Variants in NXPH1 observed in about 807,000 individuals in gnomAD.
NXPH1 encodes neurexophilin-1.
A neutral mutation model predicts 23.7 loss-of-function variants in NXPH1; 5 were observed. That is an observed-to-expected ratio of 0.21 (90% CI 0.11 to 0.44). NXPH1 has a LOEUF of 0.44. Ranked by LOEUF, NXPH1 falls within the 20% of genes least tolerant of loss-of-function variation. NXPH1 has a pLI of 0.99. For synonymous variants in NXPH1, 144 were observed against 122.2 expected (o/e 1.18, Z -1.18); for missense variants, 324 against 321.6 (o/e 1.01, Z -0.06).
At chr7:8,664,299 C>G (rs2115164234) in intron 2 of NXPH1, among the ~76,000 whole-genome samples, 1 of 152,180 alleles carries the variant, frequency 6.6e-6, no homozygotes, top group Admixed American at 6.6e-5. Context: ...GTGCACTCTT[C>G]TTTCCCTCCT....
chr7:8,519,146 T>G (rs1291089644), intron 2 of NXPH1, among the ~76,000 whole-genome samples: 3 of 152,206 alleles, frequency 2.0e-5, no homozygotes, highest in Non-Finnish European at 4.4e-5. Flanking sequence ...TCATTTATTC[T>G]GAATTTGTTA....
At chr7:8,706,807 T>C (rs1427577404) in intron 2 of NXPH1, among the ~76,000 whole-genome samples, 1 of 152,188 alleles carries the variant, frequency 6.6e-6, no homozygotes, top group African/African-American at 2.4e-5. Context: ...GGGTACCCCA[T>C]TGAAGAGGGA....
intron 2 of NXPH1, among the ~76,000 whole-genome samples, chr7:8,661,857 A>G (rs1029216088): frequency 6.6e-6 from 1 of 152,244 alleles, no homozygotes; most frequent in African/African-American, 2.4e-5. Flanking sequence ...TGAATTACCA[A>G]GTATGACTGA....
chr7:8,519,366 A>G (rs10266489), intron 2 of NXPH1, among the ~76,000 whole-genome samples: 49,311 of 152,042 alleles, frequency 0.32, 8,226 homozygotes, highest in East Asian at 0.38. Flanking sequence ...ATATTCTGCA[A>G]TTCACTTGTT....
chr7:8,435,525 C>A lies in NXPH1; in HGVS notation c.-110-79C>A, dbSNP rs1274764538. ...TTTTTTGGTCCCCCACTCCCCGCTA[C>A]GACCCCCTTTCCCCGCTTGATTGTC... On this transcript the variant is annotated intron_variant, in intron 1 of 2. Transcript: ENST00000405863. This position sits in a 1 kb window ranked among gnomAD's most constrained non-coding sequence, Gnocchi z 5.9. 9.1e-6 allele frequency: 5 copies of A among 548,832 alleles called. No individual in the cohort carries two copies. Among genetic ancestry groups the A allele is most frequent in the Non-Finnish European group, 1.6e-5 (5 of 303,354 alleles). The allele number at this position is 548,832 out of a possible 1,614,324, so 34.0% of individuals were successfully genotyped here.
chr7:8,748,846 C>G (rs756998370), intron 2 of NXPH1, among the ~76,000 whole-genome samples: 3 of 152,098 alleles, frequency 2.0e-5, no homozygotes, highest in African/African-American at 7.2e-5. Context: ...GGTTTTTAAG[C>G]TCAGCATTAT....
intron 2 of NXPH1, among the ~76,000 whole-genome samples, chr7:8,712,893 G>A (rs527857067): frequency 6.6e-6 from 1 of 152,130 alleles, no homozygotes; most frequent in Admixed American, 6.5e-5. Context: ...AATGCATTGA[G>A]GTAGTCTTCT....
chr7:8,537,524 C>T (rs1207007337), intron 2 of NXPH1, among the ~76,000 whole-genome samples: 1 of 151,914 alleles, frequency 6.6e-6, no homozygotes, highest in Admixed American at 6.6e-5. Flanking sequence ...AACTCATTCA[C>T]TATCATCAGA....
chr7:8,546,371 G>A (rs760180819), intron 2 of NXPH1, among the ~76,000 whole-genome samples: 1 of 151,348 alleles, frequency 6.6e-6, no homozygotes, highest in Non-Finnish European at 1.5e-5. Context: ...TTTACTAGTG[G>A]TTTTTGGGCC....
At chr7:8,718,102 T>A (rs1779907899) in intron 2 of NXPH1, among the ~76,000 whole-genome samples, 2 of 152,160 alleles carry the variant, frequency 1.3e-5, no homozygotes, top group African/African-American at 4.8e-5. Flanking sequence ...AACTGTTCTT[T>A]ACATTTCTAC....
intron 2 of NXPH1, among the ~76,000 whole-genome samples, chr7:8,742,311 A>T (rs1284528036): frequency 6.6e-6 from 1 of 152,156 alleles, no homozygotes; most frequent in Non-Finnish European, 1.5e-5. Context: ...GATATCTGAA[A>T]AAGCAATGAG....
At chr7:8,587,618 A>G (rs969394748) in intron 2 of NXPH1, among the ~76,000 whole-genome samples, 2 of 152,048 alleles carry the variant, frequency 1.3e-5, no homozygotes, top group Non-Finnish European at 2.9e-5. Context: ...TATTTCTCCT[A>G]ATGATATCCC....
At chr7:8,477,221 T>A (rs1816989751) in intron 2 of NXPH1, among the ~76,000 whole-genome samples, 1 of 152,170 alleles carries the variant, frequency 6.6e-6, no homozygotes, top group African/African-American at 2.4e-5. Context: ...GTCCACAGTT[T>A]CTATAAGCAA....
intron 2 of NXPH1, among the ~76,000 whole-genome samples, chr7:8,452,926 C>T (rs1003352450): frequency 2.0e-5 from 3 of 152,066 alleles, no homozygotes; most frequent in African/African-American, 7.2e-5. Context: ...CTACTTCTGA[C>T]AGCCCAGAAG....
At chr7:8,592,915 C>T (rs1343860831) in intron 2 of NXPH1, among the ~76,000 whole-genome samples, 1 of 151,410 alleles carries the variant, frequency 6.6e-6, no homozygotes, top group Non-Finnish European at 1.5e-5. Flanking sequence ...CACTGGGCAG[C>T]ATTTGGCCCA....
At chr7:8,522,221 C>A (rs1483986774) in intron 2 of NXPH1, among the ~76,000 whole-genome samples, 12 of 152,070 alleles carry the variant, frequency 7.9e-5, no homozygotes. Flanking sequence ...AATCCCTGGG[C>A]AATAGGAGGC....
chr7:8,569,898 C>G (rs926753657), intron 2 of NXPH1, among the ~76,000 whole-genome samples: 2 of 151,884 alleles, frequency 1.3e-5, no homozygotes, highest in African/African-American at 2.4e-5. Context: ...GCATTCACCT[C>G]TGTCAGCCAT....
chr7:8,716,900 T>G (rs1562463685), intron 2 of NXPH1, among the ~76,000 whole-genome samples: 1 of 152,172 alleles, frequency 6.6e-6, no homozygotes, highest in African/African-American at 2.4e-5. Flanking sequence ...CCCCCAGGAT[T>G]ATTTCTTCAC....
At position 8,742,415 on chromosome 7, in the gene NXPH1, AT is replaced by A. The variant is rs1780382270; in HGVS notation, c.55-8592del. On this transcript the variant is annotated intron_variant, in intron 2 of 2. Transcript: ENST00000405863. ...TAAGGATCTATCACACAAAACGTAT[AT>A]AAAATGTAAAAATACGGTATATTCA... Among the ~76,000 whole-genome samples, 3 of 152,312 alleles carry A rather than the reference AT, an allele frequency of 2.0e-5. No individual in the cohort carries two copies. In the South Asian group the frequency reaches 6.2e-4, roughly 32 times the overall value.
Sources: allele counts gnomAD v4.1 joint callset (sites outside exome capture counted in the v4.1 genomes callset), GRCh38; gene constraint gnomAD v4.1.1; non-coding constraint Gnocchi (gnomAD v3.1); transcripts MANE v1.5; gene names NCBI Gene and HGNC (gene_info 2026-07-23, HGNC 2026-07-21).